The following LIMA1 variants were observed in gnomAD, a reference collection of about 807,000 sequenced individuals.
The protein encoded by LIMA1 is LIM domain and actin binding 1, also known as LIM domain and actin-binding protein 1.
Under a neutral mutation model 62.6 loss-of-function variants are expected in LIMA1, and 52 were observed. That is an observed-to-expected ratio of 0.83 (90% CI 0.67 to 1.05). The LOEUF is 1.05. Among genes scored for constraint, LIMA1 ranks in the 50% least tolerant of loss-of-function variants. LIMA1 has a pLI of 0.00. For synonymous variants in LIMA1, 302 were observed against 317.8 expected, an observed-to-expected ratio of 0.95 and a Z score of 0.53; for missense variants, 780 against 902.2, an observed-to-expected ratio of 0.86 and a Z score of 1.74.
intron 1 of LIMA1, among the ~76,000 whole-genome samples, chr12:50,261,042 A>ATATATTTTTTTTTTTTT (rs1383547189): frequency 9.2e-5 from 5 of 54,296 alleles, no homozygotes; most frequent in African/African-American, 2.9e-4. Context: ...CATCTAGTAT[A>ATATATTTTTTTTTTTTT]TTTTTTTTTT....
At position 50,200,905 on chromosome 12, in the gene LIMA1, T is replaced by C. The variant is rs1039182054; in HGVS notation, c.865-21A>G. On this transcript the variant is annotated intron_variant, in intron 6 of 10. Transcript: ENST00000341247. ...TCATTCTACAAAATAAAAATAACTGTAAAAATTTTTTTAAAGTCCCATCAT... is the reference window on the plus strand; with the variant it reads ...TCATTCTACAAAATAAAAATAACTGCAAAAATTTTTTTAAAGTCCCATCAT... The C allele has an allele frequency of 2.5e-6, 4 of 1,609,344 alleles. 1 individual carries two copies. The highest frequency in any genetic ancestry group is 2.2e-5 in the South Asian group (2 of 90,696).
intron 4 of LIMA1, among the ~76,000 whole-genome samples, chr12:50,212,392 A>G (rs545966272): frequency 6.6e-6 from 1 of 152,334 alleles, no homozygotes; most frequent in East Asian, 1.9e-4. Flanking sequence ...TGAACTATGC[A>G]TGGAAATCGG....
At chr12:50,181,834 T>A (rs1296204090) in intron 10 of LIMA1, 70 bp downstream of exon 10, 19 of 1,535,520 alleles carry the variant, frequency 1.2e-5, no homozygotes, top group African/African-American at 2.7e-5. Flanking sequence ...TTAGCACCAG[T>A]GCTCTAAAAG....
Position 50,177,023 on chromosome 12 carries a change from A to C in LIMA1, c.*41T>G, listed in dbSNP as rs778346637. On this transcript the variant is annotated 3_prime_UTR_variant, in exon 11 of 11. Transcript: ENST00000341247. Reference sequence around the variant, plus strand: ...TTTTGACAAAGGGCAGTGGCTCGCTAACACTAACATGAATTTAAGGCCCAG... The same window carrying C: ...TTTTGACAAAGGGCAGTGGCTCGCTCACACTAACATGAATTTAAGGCCCAG... 6.8e-7 allele frequency: 1 copy of C among 1,468,922 alleles called. No individual in the cohort carries two copies. The highest frequency in any genetic ancestry group is 9.1e-7 in the Non-Finnish European group (1 of 1,104,714). The allele number at this position is 1,468,922 out of a possible 1,614,324, so 91.0% of individuals were successfully genotyped here.
intron 10 of LIMA1, among the ~76,000 whole-genome samples, chr12:50,179,119 G>C (rs181309942): frequency 6.6e-6 from 1 of 151,720 alleles, no homozygotes; most frequent in Non-Finnish European, 1.5e-5. Context: ...GGGATTACAG[G>C]AGTGCGCCAC....
chr12:50,258,577 G>A (rs1453829612), intron 1 of LIMA1, among the ~76,000 whole-genome samples: 1 of 150,716 alleles, frequency 6.6e-6, no homozygotes, highest in Non-Finnish European at 1.5e-5. Flanking sequence ...GATTATAGGT[G>A]TGAGCCACTG....
chr12:50,188,139 T>C (rs138201198), intron 9 of LIMA1: 131 of 152,330 alleles, frequency 8.6e-4, no homozygotes, highest in African/African-American at 2.9e-3. Context: ...AGCTAAAATT[T>C]GAAATGAATT....
chr12:50,193,585 GTA>G (rs1233003754), intron 8 of LIMA1, among the ~76,000 whole-genome samples: 1 of 108,912 alleles, frequency 9.2e-6, no homozygotes, highest in Non-Finnish European at 1.8e-5. Flanking sequence ...ATATATACAT[GTA>G]TATATGATAT....
chr12:50,213,451 CAATT>C (rs1364727152), intron 4 of LIMA1, among the ~76,000 whole-genome samples: 2 of 152,242 alleles, frequency 1.3e-5, no homozygotes, highest in African/African-American at 4.8e-5. Flanking sequence ...TGGGGCATAT[CAATT>C]AACTTCTCTG....
intron 10 of LIMA1, among the ~76,000 whole-genome samples, chr12:50,178,579 T>A (rs1305498787): frequency 6.7e-6 from 1 of 150,366 alleles, no homozygotes; most frequent in Admixed American, 6.6e-5. Context: ...AAACTTTAAA[T>A]CATTCTGAGC....
At chr12:50,225,227 A>G (rs1941508390) in intron 3 of LIMA1, among the ~76,000 whole-genome samples, 1 of 152,016 alleles carries the variant, frequency 6.6e-6, no homozygotes, top group African/African-American at 2.4e-5. Context: ...AAATGTTCAT[A>G]ACATTATCTT....
Position 50,215,171 on chromosome 12 carries a change from C to G in LIMA1, c.630+6850G>C, listed in dbSNP as rs1253021129. Among the ~76,000 whole-genome samples the G allele has an allele frequency of 1.3e-5, 2 of 152,212 alleles. 1 individual carries two copies. Among genetic ancestry groups the G allele is most frequent in the Non-Finnish European group, 2.9e-5 (2 of 68,036 alleles). On this transcript the variant is annotated intron_variant, in intron 4 of 10. Transcript: ENST00000341247. Reference sequence around the variant, plus strand: ...TCTACTACATCAGCGCATATACACTCTTATGTACGAGTGTTATGCAAAACT... The same window carrying G: ...TCTACTACATCAGCGCATATACACTGTTATGTACGAGTGTTATGCAAAACT...
intron 3 of LIMA1, among the ~76,000 whole-genome samples, chr12:50,227,864 T>G (rs1387239739): frequency 6.6e-6 from 1 of 151,320 alleles, no homozygotes; most frequent in Non-Finnish European, 1.5e-5. Flanking sequence ...TTCTTTTTTT[T>G]TTTTTTGAGA....
chr12:50,178,263 C>T (rs754618361), intron 10 of LIMA1, among the ~76,000 whole-genome samples, 194 bp from the exon 11 acceptor site: 9 of 152,120 alleles, frequency 5.9e-5, no homozygotes, highest in Non-Finnish European at 1.0e-4. Flanking sequence ...ACACAAAGCA[C>T]GGGTTGGGTG....
chr12:50,253,953 G>A (rs1427631240), intron 1 of LIMA1, among the ~76,000 whole-genome samples: 1 of 151,400 alleles, frequency 6.6e-6, no homozygotes, highest in Non-Finnish European at 1.5e-5. Context: ...GCTTGAACCC[G>A]GGAAGCAGAG....
intron 3 of LIMA1, chr12:50,229,682 T>C (rs1317845997): frequency 6.6e-6 from 1 of 152,084 alleles, no homozygotes; most frequent in South Asian, 2.1e-4. Flanking sequence ...ACCCTAGAAC[T>C]TAAAGTATAA....
chr12:50,201,992 T>G (rs1462397800), intron 6 of LIMA1: 1 of 152,240 alleles, frequency 6.6e-6, no homozygotes, highest in Non-Finnish European at 1.5e-5. Flanking sequence ...AGTAATCTAG[T>G]ACTTTTCTGT....
intron 1 of LIMA1, among the ~76,000 whole-genome samples, chr12:50,265,718 C>A (rs1180087700): frequency 6.6e-6 from 1 of 152,040 alleles, no homozygotes; most frequent in Non-Finnish European, 1.5e-5. Flanking sequence ...ACACAAATCA[C>A]TTTTTTAGTA....
chr12:50,256,268 G>C (rs1268749316), intron 1 of LIMA1: 2 of 151,146 alleles, frequency 1.3e-5, no homozygotes, highest in Non-Finnish European at 2.9e-5. Flanking sequence ...AAATTTGTGT[G>C]TTAACTTCAC....
Sources: allele counts gnomAD v4.1 joint callset (sites outside exome capture counted in the v4.1 genomes callset), GRCh38; gene constraint gnomAD v4.1.1; transcripts MANE v1.5; gene names NCBI Gene and HGNC (gene_info 2026-07-23, HGNC 2026-07-21).